The following FAM135B variants were observed in gnomAD, a reference collection of about 807,000 sequenced individuals.
FAM135B encodes the protein protein FAM135B.
A neutral mutation model predicts 127.7 loss-of-function variants in FAM135B; 43 were observed. The ratio of observed to expected loss-of-function variants is 0.34; its 90% CI spans 0.26 to 0.43. The LOEUF (loss-of-function observed/expected upper bound fraction) is 0.43. Among genes scored for constraint, FAM135B ranks in the 20% least tolerant of loss-of-function variants. FAM135B has a pLI of 1.00. For missense variants in FAM135B, 1,558 were observed against 1,725.6 expected (o/e 0.90, Z 1.72); for synonymous variants, 670 against 665.1 (o/e 1.01, Z -0.11).
intron 6 of FAM135B, among the ~76,000 whole-genome samples, chr8:138,247,977 C>T (rs1362730630): frequency 1.3e-5 from 2 of 152,202 alleles, no homozygotes; most frequent in African/African-American, 2.4e-5. Flanking sequence ...AGTAGAATTG[C>T]TTCTTTCCCA....
In FAM135B at chr8:138,146,052, T is replaced by TA; in HGVS notation, c.3449-3dup. ...CCAGCCGGAGGTCTGCACTGTTCCCTAAAAATGACAGATAACCCCCATCCC... is the reference window on the plus strand; with the variant it reads ...CCAGCCGGAGGTCTGCACTGTTCCCTAAAAAATGACAGATAACCCCCATCCC... On this transcript the variant is annotated splice_polypyrimidine_tract_variant and splice_region_variant and intron_variant, in intron 14 of 19. Coordinates refer to ENST00000395297, the MANE Select transcript of FAM135B (RefSeq NM_015912.4). 6.4e-7 allele frequency: 1 copy of TA among 1,569,004 alleles called. No individual in the cohort carries two copies. Among genetic ancestry groups the TA allele is most frequent in the Non-Finnish European group, 8.8e-7 (1 of 1,141,178 alleles).
intron 1 of FAM135B, among the ~76,000 whole-genome samples, chr8:138,391,385 A>T (rs1210152507): frequency 6.8e-6 from 1 of 147,172 alleles, no homozygotes; most frequent in Non-Finnish European, 1.5e-5. Flanking sequence ...CCCTCCTTTC[A>T]CCTCCATTCA....
At position 138,137,137 on chromosome 8, in the gene FAM135B, T is replaced by C. The variant is rs769239998; in HGVS notation, c.4015+10A>G. On this transcript the variant is annotated intron_variant, in intron 19 of 19. Transcript: ENST00000395297. ...AGAAAGTCCCTGAGCAAAAATTAAA[T>C]GTAGCTTACCTGTGTGTCTGTCTTT... The C allele has an allele frequency of 2.3e-5, 32 of 1,367,916 alleles. No individual in the cohort carries two copies. The highest frequency in any genetic ancestry group is 3.1e-5 in the Non-Finnish European group (30 of 957,674). 84.7% of individuals were successfully genotyped at this position (1,367,916 alleles called of 1,614,324 possible). A position where few individuals can be genotyped will look rare whatever the true frequency, so the allele number is the denominator to read the frequency against.
chr8:138,366,066 C>A (rs1400893441), intron 2 of FAM135B, among the ~76,000 whole-genome samples: 2 of 151,940 alleles, frequency 1.3e-5, no homozygotes, highest in East Asian at 3.9e-4. Context: ...CACTTTGCAC[C>A]TTAAATAATA....
intron 1 of FAM135B, among the ~76,000 whole-genome samples, chr8:138,450,067 C>T (rs2131584014): frequency 6.6e-6 from 1 of 152,306 alleles, no homozygotes; most frequent in East Asian, 1.9e-4. Context: ...TTGCTGTCTC[C>T]ATAGTTTTTC....
Position 138,380,571 on chromosome 8 carries a change from C to T in FAM135B, c.-19-12569G>A, listed in dbSNP as rs548875460. ...CTACCACCACCTTGTCCACCCGCTC[C>T]TTACACAGATACGACATTTGAGGCC... On this transcript the variant is annotated intron_variant, in intron 1 of 19. Transcript: ENST00000395297. Among the ~76,000 whole-genome samples, 13 of 152,190 alleles carry T rather than the reference C, an allele frequency of 8.5e-5. No homozygotes were observed. The East Asian group carries it at 2.5e-3, about 29-fold the overall frequency.
intron 3 of FAM135B, among the ~76,000 whole-genome samples, chr8:138,305,910 C>A (rs576385165): frequency 6.6e-6 from 1 of 152,008 alleles, no homozygotes; most frequent in East Asian, 1.9e-4. Flanking sequence ...AAATTATATA[C>A]ACACATGCAT....
At chr8:138,438,201 T>A (rs537475826) in intron 1 of FAM135B, 29 of 152,310 alleles carry the variant, frequency 1.9e-4, no homozygotes, top group African/African-American at 5.5e-4. Flanking sequence ...CAGCTTTTTT[T>A]AAATAATTAT....
chr8:138,430,041 C>T (rs1047039877), intron 1 of FAM135B, among the ~76,000 whole-genome samples: 3 of 152,146 alleles, frequency 2.0e-5, no homozygotes, highest in African/African-American at 7.2e-5. Flanking sequence ...TATGAAATTT[C>T]AGCCAACGCA....
At position 138,263,960 on chromosome 8, in the gene FAM135B, T is replaced by C. The variant is rs181054571; in HGVS notation, c.297+1743A>G. Among the ~76,000 whole-genome samples, 753 of 152,310 alleles carry C rather than the reference T, an allele frequency of 4.9e-3. 7 individuals are homozygous for C. Among genetic ancestry groups the C allele is most frequent in the Middle Eastern group, 0.027 (8 of 294 alleles). ...TAAAAATTGTGCCATTGCACCCTTC[T>C]AACAAAATCAGTGGATTTCTATTGC... On this transcript the variant is annotated intron_variant, in intron 4 of 19. Transcript: ENST00000395297.
chr8:138,466,555 G>C (rs1279068579), intron 1 of FAM135B, among the ~76,000 whole-genome samples: 1 of 152,158 alleles, frequency 6.6e-6, no homozygotes, highest in Non-Finnish European at 1.5e-5. Context: ...AAGAGTGGGG[G>C]CCTGGCACTA....
chr8:138,367,041 G>C (rs78317871), intron 2 of FAM135B, among the ~76,000 whole-genome samples: 4,887 of 152,170 alleles, frequency 0.032, 154 homozygotes, highest in East Asian at 0.17. Context: ...TAACTCAGTA[G>C]AACCGCCCAG....
chr8:138,273,800 T>C (rs1378932372), intron 3 of FAM135B, among the ~76,000 whole-genome samples: 2 of 152,302 alleles, frequency 1.3e-5, no homozygotes, highest in African/African-American at 2.4e-5. Context: ...AGGCTCCTCC[T>C]GCACTTCCCA....
intron 7 of FAM135B, among the ~76,000 whole-genome samples, chr8:138,238,244 T>C (rs891781086): frequency 3.3e-5 from 5 of 151,452 alleles, no homozygotes; most frequent in African/African-American, 1.2e-4. Context: ...CAGCAGGAGG[T>C]TTTTACTGGG....
chr8:138,177,836 T>A (rs2130970964), intron 10 of FAM135B, among the ~76,000 whole-genome samples: 1 of 152,384 alleles, frequency 6.6e-6, no homozygotes, highest in South Asian at 2.1e-4. Flanking sequence ...TTTGTCATCT[T>A]GTTCTAACTA....
chr8:138,380,990 A>C (rs1587296200), intron 1 of FAM135B, among the ~76,000 whole-genome samples: 1 of 151,498 alleles, frequency 6.6e-6, no homozygotes, highest in South Asian at 2.1e-4. Flanking sequence ...AACAAACAAA[A>C]AAAAACAGAA....
intron 17 of FAM135B, among the ~76,000 whole-genome samples, chr8:138,140,923 G>C (rs1347892965): frequency 1.3e-5 from 2 of 152,108 alleles, no homozygotes; most frequent in African/African-American, 4.8e-5. Flanking sequence ...ACAACACCGT[G>C]TCTTGTCAGT....
intron 1 of FAM135B, among the ~76,000 whole-genome samples, chr8:138,385,579 G>A (rs1017828727): frequency 2.6e-5 from 4 of 152,204 alleles, no homozygotes; most frequent in African/African-American, 9.6e-5. Context: ...GGGAGGCTGA[G>A]ACAGGTGGAT....
chr8:138,144,603 T>C (rs1302528477), intron 15 of FAM135B, among the ~76,000 whole-genome samples: 1 of 152,148 alleles, frequency 6.6e-6, no homozygotes, highest in Non-Finnish European at 1.5e-5. Flanking sequence ...GTTTAAAAAG[T>C]AATATCAGGA....
Sources: allele counts gnomAD v4.1 joint callset (sites outside exome capture counted in the v4.1 genomes callset), GRCh38; gene constraint gnomAD v4.1.1; transcripts MANE v1.5; gene names NCBI Gene and HGNC (gene_info 2026-07-23, HGNC 2026-07-21).